The following SH3BP2 variants were observed in gnomAD, a reference collection of about 807,000 sequenced individuals.
SH3BP2 encodes the protein SH3 domain-binding protein 2.
In SH3BP2, 38 loss-of-function variants were observed where a neutral mutation model predicts 56.2. The observed-to-expected ratio is 0.68, with a 90% CI of 0.52 to 0.89. The LOEUF (loss-of-function observed/expected upper bound fraction) is 0.89. SH3BP2 is among the 40% of genes least tolerant of loss of function. The pLI, the probability that SH3BP2 is intolerant of heterozygous loss-of-function variation, is 0.00. For synonymous variants in SH3BP2, 346 were observed against 316.7 expected (o/e 1.09, Z -0.98); for missense variants, 748 against 762.6 (o/e 0.98, Z 0.23).
intron 11 of SH3BP2, 121 bp from the exon 12 acceptor site, chr4:2,832,869 C>CT (rs1426241656): frequency 2.8e-5 from 28 of 996,868 alleles, no homozygotes; most frequent in Non-Finnish European, 8.0e-6. Context: ...CCCTCCCCGC[C>CT]CCCCGAGGGC....
intron 1 of SH3BP2, chr4:2,818,852 C>CTGAT (rs1724147049): frequency 1.0e-6 from 1 of 985,836 alleles, no homozygotes; most frequent in Non-Finnish European, 1.2e-6. Context: ...AGAAGACAGC[C>CTGAT]TGATGCCTTG....
intron 1 of SH3BP2, chr4:2,818,474 C>A: frequency 1.3e-6 from 1 of 784,178 alleles, no homozygotes; most frequent in Non-Finnish European, 1.6e-6. Context: ...AGCCCCTGGA[C>A]CAGGGCCGCG....
At chr4:2,800,828 G>C (rs188482709) in intron 1 of SH3BP2, among the ~76,000 whole-genome samples, 2 of 152,198 alleles carry the variant, frequency 1.3e-5, no homozygotes, top group African/African-American at 4.8e-5. Flanking sequence ...AAGGCCAGGC[G>C]GGAGTTTGCA....
At chr4:2,812,522 G>C in intron 1 of SH3BP2, 1 of 1,532,070 alleles carries the variant, frequency 6.5e-7, no homozygotes, top group Non-Finnish European at 8.8e-7. Flanking sequence ...GGCGGCACTG[G>C]TCTAGCACCT....
intron 2 of SH3BP2, among the ~76,000 whole-genome samples, chr4:2,821,350 G>A (rs907387954): frequency 2.0e-5 from 3 of 152,238 alleles, no homozygotes; most frequent in Non-Finnish European, 2.9e-5. Context: ...TGTCCAGGCT[G>A]GACTGATTGG....
At chr4:2,812,540 C>T in intron 1 of SH3BP2, 1 of 1,513,114 alleles carries the variant, frequency 6.6e-7, no homozygotes, top group Non-Finnish European at 8.9e-7. Flanking sequence ...CCTGAAGAAC[C>T]AGTAAGGGGG....
chr4:2,825,260 G>A (rs968015960), intron 5 of SH3BP2, 64 bp downstream of exon 5: 1 of 1,349,454 alleles, frequency 7.4e-7, no homozygotes, highest in Non-Finnish European at 1.0e-6. Flanking sequence ...CCTGACCCGG[G>A]TGTCCGCCTC....
At chr4:2,825,104 C>T in intron 4 of SH3BP2, 22 bp from the exon 5 acceptor site, 1 of 1,558,146 alleles carries the variant, frequency 6.4e-7, no homozygotes, top group Admixed American at 1.9e-5. Context: ...ACCGTGCCCA[C>T]CACAGCCCCG....
At chr4:2,813,643 G>A (rs1226550603) in intron 1 of SH3BP2, among the ~76,000 whole-genome samples, 2 of 152,302 alleles carry the variant, frequency 1.3e-5, no homozygotes, top group South Asian at 2.1e-4. Flanking sequence ...GACCGCACTT[G>A]ACAGGTCTTG....
In SH3BP2 at chr4:2,820,559, C is replaced by T. The variant is rs1724244850; in HGVS notation, c.-4-55C>T. The stretch of plus-strand genomic sequence containing the variant: ...CAGTGTCCCCCTGAGCGCCCTGGCT[C>T]AGCCATCTCCTGCCTGACCGTAGCT... On this transcript the variant is annotated intron_variant, in intron 1 of 12. Transcript: ENST00000503393. 3.7e-6 allele frequency: 6 copies of T among 1,612,620 alleles called. No homozygotes were observed. In the South Asian group the frequency reaches 4.4e-5, roughly 12 times the overall value.
chr4:2,807,511 A>G (rs969162770), intron 1 of SH3BP2, among the ~76,000 whole-genome samples: 16 of 152,268 alleles, frequency 1.1e-4, no homozygotes, highest in African/African-American at 3.9e-4. Context: ...GAACTGTGCC[A>G]TTGACTTGGA....
intron 2 of SH3BP2, among the ~76,000 whole-genome samples, chr4:2,822,330 A>AT (rs1181366739): frequency 3.1e-4 from 47 of 152,078 alleles, no homozygotes; most frequent in African/African-American, 1.1e-3. Context: ...TAAGTTTTGT[A>AT]TTTTTTGTAG....
intron 1 of SH3BP2, among the ~76,000 whole-genome samples, chr4:2,802,580 G>GTA (rs150785584): frequency 0.24 from 32,767 of 137,188 alleles, 4,145 homozygotes; most frequent in African/African-American, 0.38. Flanking sequence ...ATGTGTATAT[G>GTA]TATATATATG....
At chr4:2,812,735 C>T (rs1339307916) in intron 1 of SH3BP2, among the ~76,000 whole-genome samples, 1 of 152,050 alleles carries the variant, frequency 6.6e-6, no homozygotes, top group Non-Finnish European at 1.5e-5. Context: ...CCCCCCACCC[C>T]CCCATCACAT....
At chr4:2,823,141 G>A (rs1282440207) in intron 3 of SH3BP2, 104 bp downstream of exon 3, 1 of 860,084 alleles carries the variant, frequency 1.2e-6, no homozygotes, top group Non-Finnish European at 1.9e-6. Flanking sequence ...CAAGGAAAGT[G>A]CTTTCCCGAA....
intron 1 of SH3BP2, among the ~76,000 whole-genome samples, chr4:2,799,816 G>C (rs779013980): frequency 1.3e-5 from 2 of 152,230 alleles, no homozygotes; most frequent in South Asian, 2.1e-4. Context: ...GCCTCCTTGA[G>C]GGGGAGCAGG....
At chr4:2,827,007 C>T in intron 5 of SH3BP2, 2 of 677,784 alleles carry the variant, frequency 3.0e-6, no homozygotes, top group Non-Finnish European at 5.4e-6. Context: ...GTGTGTCTGT[C>T]AGCGTATCCA....
Position 2,833,002 on chromosome 4 carries a change from T to G in SH3BP2, c.1501T>G (p.Trp501Gly). The G allele has an allele frequency of 6.2e-7, 1 of 1,614,194 alleles. No homozygotes were observed. The highest frequency in any genetic ancestry group is 8.5e-7 in the Non-Finnish European group (1 of 1,180,022). Residue 501 changes from tryptophan to glycine, a missense_variant, in exon 12 of 13, where the codon TGG becomes GGG. Physicochemically the swap from Trp to Gly is radical, Grantham distance 184. This residue lies in a region of SH3BP2 where 635 missense variants were observed against 615.0 expected (regional missense o/e 1.03). Coordinates refer to ENST00000503393, the MANE Select transcript of SH3BP2 (RefSeq NM_001122681.2). Reference protein sequence around the residue: ...STKSGKVLVVWDETSNKVRNY... With the variant: ...STKSGKVLVVGDETSNKVRNY... ...TTCCGTCCTGTAGGTCCTGGTTGTGTGGGACGAAACCTCTAACAAAGTGAG... is the reference window on the plus strand; with the variant it reads ...TTCCGTCCTGTAGGTCCTGGTTGTGGGGGACGAAACCTCTAACAAAGTGAG...
chr4:2,822,390 A>T (rs1724357927), intron 2 of SH3BP2, among the ~76,000 whole-genome samples: 1 of 151,634 alleles, frequency 6.6e-6, no homozygotes, highest in African/African-American at 2.4e-5. Flanking sequence ...TTATTTTTAG[A>T]GACAGTCTCA....
Sources: allele counts gnomAD v4.1 joint callset (sites outside exome capture counted in the v4.1 genomes callset), GRCh38; gene constraint gnomAD v4.1.1; regional missense constraint gnomAD v4.1.1; transcripts MANE v1.5; gene names NCBI Gene and HGNC (gene_info 2026-07-23, HGNC 2026-07-21).